HERC4: variants seen among roughly 807,000 people sequenced by gnomAD.
The protein encoded by HERC4 is HECT and RLD domain containing E3 ubiquitin protein ligase 4, also known as probable E3 ubiquitin-protein ligase HERC4.
A neutral mutation model predicts 124.3 loss-of-function variants in HERC4; 28 were observed. That is an observed-to-expected ratio of 0.23 (90% CI 0.17 to 0.31). The LOEUF (loss-of-function observed/expected upper bound fraction) is 0.31. Ranked by LOEUF, HERC4 falls within the 10% of genes least tolerant of loss-of-function variation. The pLI, the probability that HERC4 is intolerant of heterozygous loss-of-function variation, is 1.00. For missense variants in HERC4, 713 were observed against 1,229.3 expected (o/e 0.58, Z 6.28); for synonymous variants, 407 against 421.5 (o/e 0.97, Z 0.42).
intron 16 of HERC4, among the ~76,000 whole-genome samples, chr10:67,962,295 T>C (rs989518754): frequency 6.6e-6 from 1 of 151,964 alleles, no homozygotes; most frequent in Non-Finnish European, 1.5e-5. Flanking sequence ...AGGGAGTTTA[T>C]AGTATGGGAG....
At chr10:67,982,274 C>A (rs968639027) in intron 15 of HERC4, among the ~76,000 whole-genome samples, 3 of 151,986 alleles carry the variant, frequency 2.0e-5, no homozygotes, top group Non-Finnish European at 4.4e-5. Context: ...GACACATAAA[C>A]CAATGGAACA....
chr10:68,006,223 GTACT>G (rs1437289744), intron 9 of HERC4, among the ~76,000 whole-genome samples: 2 of 152,068 alleles, frequency 1.3e-5, no homozygotes, highest in African/African-American at 4.8e-5. Flanking sequence ...CAATGTCTGT[GTACT>G]TACTATTATC....
intron 15 of HERC4, among the ~76,000 whole-genome samples, chr10:67,974,045 CAAAAAAA>C (rs11406155): frequency 1.6e-3 from 62 of 38,478 alleles, no homozygotes; most frequent in African/African-American, 5.6e-3. Context: ...GACTCTGTCT[CAAAAAAA>C]AAAAAAAAAA....
At chr10:67,986,887 G>T (rs1268978919) in intron 15 of HERC4, among the ~76,000 whole-genome samples, 2 of 151,800 alleles carry the variant, frequency 1.3e-5, no homozygotes, top group Non-Finnish European at 2.9e-5. Context: ...TAGATCTAGG[G>T]GCATAAAATA....
intron 19 of HERC4, among the ~76,000 whole-genome samples, chr10:67,951,198 T>G (rs1290975238): frequency 6.6e-6 from 1 of 152,158 alleles, no homozygotes; most frequent in Non-Finnish European, 1.5e-5. Flanking sequence ...GACAGAACTC[T>G]GTGTTTCTAG....
chr10:68,040,386 T>C (rs2039700918), intron 4 of HERC4: 8 of 939,430 alleles, frequency 8.5e-6, no homozygotes, highest in Non-Finnish European at 1.0e-5. Flanking sequence ...GGATATTGGC[T>C]TTGTTTTCTT....
chr10:67,951,873 T>C (rs2033815920), intron 19 of HERC4, among the ~76,000 whole-genome samples: 2 of 152,288 alleles, frequency 1.3e-5, no homozygotes, highest in South Asian at 4.1e-4. Context: ...TTTCTTTCTC[T>C]ACCACTATTT....
At chr10:68,016,968 C>T (rs536943500) in intron 8 of HERC4, among the ~76,000 whole-genome samples, 1 of 151,992 alleles carries the variant, frequency 6.6e-6, no homozygotes, top group Non-Finnish European at 1.5e-5. Context: ...GTATGTCACC[C>T]AAAATGATTT....
At chr10:67,980,075 A>C (rs1315185378) in intron 15 of HERC4, among the ~76,000 whole-genome samples, 1 of 152,238 alleles carries the variant, frequency 6.6e-6, no homozygotes, top group Non-Finnish European at 1.5e-5. Context: ...TATTGAAGGG[A>C]AAATTTATCC....
At chr10:68,004,853 C>A (rs1431101221) in intron 9 of HERC4, among the ~76,000 whole-genome samples, 1 of 152,144 alleles carries the variant, frequency 6.6e-6, no homozygotes, top group Non-Finnish European at 1.5e-5. Flanking sequence ...AAACCGATTC[C>A]ATGATTCCAT....
intron 15 of HERC4, among the ~76,000 whole-genome samples, chr10:67,971,087 G>A (rs940039581): frequency 1.3e-4 from 20 of 151,980 alleles, no homozygotes; most frequent in African/African-American, 4.8e-4. Context: ...TGGTAAAACT[G>A]ACTCAGGAAG....
At chr10:67,966,848 G>A (rs1409730042) in intron 15 of HERC4, 46 bp from the exon 16 acceptor site, 3 of 1,445,106 alleles carry the variant, frequency 2.1e-6, no homozygotes, top group East Asian at 2.6e-5. Flanking sequence ...CAGTACTCAA[G>A]ACAGACAAAT....
chr10:68,007,104 C>T (rs997709241), intron 9 of HERC4, among the ~76,000 whole-genome samples: 2 of 152,104 alleles, frequency 1.3e-5, no homozygotes, highest in African/African-American at 2.4e-5. Context: ...AGGCCAGTAA[C>T]CCTTAGATTT....
At chr10:67,976,165 T>TG (rs1436242469) in intron 15 of HERC4, among the ~76,000 whole-genome samples, 1 of 152,138 alleles carries the variant, frequency 6.6e-6, no homozygotes, top group Non-Finnish European at 1.5e-5. Flanking sequence ...ACTTACTATC[T>TG]GGTCCTTTAC....
intron 12 of HERC4, 60 bp downstream of exon 12, chr10:67,991,080 G>C (rs1327528270): frequency 7.4e-7 from 1 of 1,354,082 alleles, no homozygotes; most frequent in African/African-American, 1.5e-5. Flanking sequence ...TTTTTAATTT[G>C]ATATACTATT....
At chr10:68,009,387 T>A (rs181752757) in intron 9 of HERC4, among the ~76,000 whole-genome samples, 3 of 152,238 alleles carry the variant, frequency 2.0e-5, no homozygotes, top group African/African-American at 7.2e-5. Flanking sequence ...AGCACTGGGA[T>A]TACAGGCATG....
chr10:68,031,943 A>G (rs2133347623), intron 7 of HERC4, among the ~76,000 whole-genome samples: 1 of 152,200 alleles, frequency 6.6e-6, no homozygotes, highest in South Asian at 2.1e-4. Context: ...GAAGAGACAG[A>G]GTTTCACCAA....
At chr10:67,966,998 G>C (rs2034912904) in intron 15 of HERC4, among the ~76,000 whole-genome samples, 196 bp from the exon 16 acceptor site, 1 of 152,118 alleles carries the variant, frequency 6.6e-6, no homozygotes, top group South Asian at 2.1e-4. Context: ...GGGACTACAA[G>C]CACCCGCCAT....
intron 3 of HERC4, among the ~76,000 whole-genome samples, chr10:68,066,323 T>C (rs1387048480): frequency 6.6e-6 from 1 of 152,240 alleles, no homozygotes; most frequent in Non-Finnish European, 1.5e-5. Context: ...TAATGGTAAC[T>C]AGACTACCTA....
Sources: gnomAD v4.1 joint callset for allele counts (sites outside exome capture counted in the v4.1 genomes callset) on GRCh38, gnomAD v4.1.1 for gene constraint, MANE v1.5 for transcripts, NCBI Gene and HGNC (gene_info 2026-07-23, HGNC 2026-07-21) for gene names.